NTM: variants seen among roughly 807,000 people sequenced by gnomAD.
NTM encodes the protein IgLON family member 2.
NTM carries 13 observed loss-of-function variants against 42.1 expected under a neutral mutation model. That is an observed-to-expected ratio of 0.31 (90% CI 0.20 to 0.49). The LOEUF is 0.49. NTM is among the 20% of genes least tolerant of loss of function. The probability of loss-of-function intolerance (pLI) is 0.99; values close to 1 mark genes in which losing one functional copy is unlikely to be tolerated. For missense variants in NTM, 373 were observed against 452.8 expected (o/e 0.82, Z 1.60); for synonymous variants, 187 against 179.2 (o/e 1.04, Z -0.35).
intron 1 of NTM, among the ~76,000 whole-genome samples, chr11:131,784,503 A>G (rs1057211239): frequency 6.6e-6 from 1 of 152,232 alleles, no homozygotes; most frequent in African/African-American, 2.4e-5. Flanking sequence ...GATCTGAAAA[A>G]GAACACATAT....
chr11:131,402,533 A>T (rs1457697906), intron 1 of NTM, among the ~76,000 whole-genome samples: 2 of 152,170 alleles, frequency 1.3e-5, no homozygotes, highest in African/African-American at 4.8e-5. Context: ...GATGGACCAC[A>T]TTAATGGGGC....
chr11:131,616,217 G>A (rs911022902), intron 1 of NTM, among the ~76,000 whole-genome samples: 16 of 152,166 alleles, frequency 1.1e-4, no homozygotes, highest in South Asian at 2.1e-4. Flanking sequence ...CGCAGCACTG[G>A]GGAGACTGCA....
chr11:131,835,300 GCTGGGATCA>G (rs2043348752), intron 1 of NTM, among the ~76,000 whole-genome samples: 1 of 152,110 alleles, frequency 6.6e-6, no homozygotes, highest in South Asian at 2.1e-4. Context: ...CGAGAATGTT[GCTGGGATCA>G]CTTGTAATCT....
intron 1 of NTM, among the ~76,000 whole-genome samples, chr11:131,664,028 AG>A (rs1181423781): frequency 6.6e-6 from 1 of 152,206 alleles, no homozygotes; most frequent in African/African-American, 2.4e-5. Context: ...AGGAAAGGAA[AG>A]TCTTTGGACC....
At position 132,290,836 on chromosome 11, in the gene NTM, C is replaced by T. The variant is rs77572314; in HGVS notation, c.527-16853C>T. Among the ~76,000 whole-genome samples, 55 of 152,244 alleles carry T rather than the reference C, an allele frequency of 3.6e-4. 1 individual carries two copies. In the East Asian group the frequency reaches 7.0e-3, roughly 19 times the overall value. On this transcript the variant is annotated intron_variant, in intron 4 of 8. Transcript: ENST00000683400. ...CAGAGGTTACAGAAGGATTCTTATA[C>T]GAGCTGAACTTAAGCTGTAACCTGA...
intron 1 of NTM, among the ~76,000 whole-genome samples, chr11:131,377,858 A>C (rs2135501093): frequency 6.6e-6 from 1 of 152,278 alleles, no homozygotes; most frequent in South Asian, 2.1e-4. Context: ...GGTGGTGATC[A>C]TGCCTAGGTT....
In NTM at chr11:132,002,367, G is replaced by A. The variant is rs2069492342; in HGVS notation, c.167+90719G>A. On this transcript the variant is annotated intron_variant, in intron 2 of 8. Transcript: ENST00000683400. The surrounding 1 kb of genome is among the most constrained non-coding windows in gnomAD (Gnocchi z 4.5). ...ATATTTTAATAAGAATTCAGAAATG[G>A]GAGTTTTCTAATAAGCAACTGAGTT... 6.6e-6 allele frequency among the ~76,000 whole-genome samples: 1 copy of A among 152,136 alleles called. No homozygotes were observed. Among genetic ancestry groups the A allele is most frequent in the African/African-American group, 2.4e-5 (1 of 41,422 alleles).
At chr11:131,455,024 G>A (rs1168369319) in intron 1 of NTM, among the ~76,000 whole-genome samples, 2 of 152,182 alleles carry the variant, frequency 1.3e-5, no homozygotes, top group African/African-American at 4.8e-5. Flanking sequence ...AGGACACATT[G>A]TTGCAGATAC....
intron 1 of NTM, among the ~76,000 whole-genome samples, chr11:131,546,081 C>T (rs997885931): frequency 6.6e-6 from 1 of 152,110 alleles, no homozygotes; most frequent in Admixed American, 6.6e-5. Context: ...GAAAGAAACA[C>T]TAATAATTTA....
chr11:131,781,548 A>C (rs1257890568), intron 1 of NTM, among the ~76,000 whole-genome samples: 1 of 152,208 alleles, frequency 6.6e-6, no homozygotes, highest in Non-Finnish European at 1.5e-5. Context: ...AGCAAATACT[A>C]AGTAATATAC....
chr11:132,226,407 T>TG (rs2086292724), intron 4 of NTM, among the ~76,000 whole-genome samples: 1 of 152,334 alleles, frequency 6.6e-6, no homozygotes, highest in Non-Finnish European at 1.5e-5. Context: ...CCATTCTGAC[T>TG]GGTGTGAGGT....
rs141768002 is a variant in NTM at position 131,782,369 on chromosome 11, CA to C, written c.83-129186del. 8.4e-3 allele frequency among the ~76,000 whole-genome samples: 1,210 copies of C among 143,538 alleles called. 6 individuals are homozygous for C. The highest frequency in any genetic ancestry group is 0.013 in the Non-Finnish European group (872 of 65,632). The allele number at this position is 143,538 out of a possible 152,430, so 94.2% of individuals were successfully genotyped here. On this transcript the variant is annotated intron_variant, in intron 1 of 8. Coordinates refer to ENST00000683400, the MANE Select transcript of NTM (RefSeq NM_001352005.2). ...ATAGAATACATATATAATGTTTCCA[CA>C]AAAAAAAACAACTCTAGGTCTGCAT...
chr11:131,546,194 C>T (rs551203248), intron 1 of NTM, among the ~76,000 whole-genome samples: 1 of 152,288 alleles, frequency 6.6e-6, no homozygotes, highest in African/African-American at 2.4e-5. Context: ...AGTTTTGTGA[C>T]TGAAGCTTTG....
chr11:131,401,806 A>ATATATATATATATATATATGTG (rs1945174930), intron 1 of NTM, among the ~76,000 whole-genome samples: 1 of 5,822 alleles, frequency 1.7e-4, no homozygotes, highest in African/African-American at 8.5e-4. Context: ...GGAAATATAT[A>ATATATATATATATATATATGTG]TATATATATA....
intron 1 of NTM, chr11:131,573,407 T>C (rs318955): frequency 0.54 from 82,293 of 152,036 alleles, 22,535 homozygotes; most frequent in South Asian, 0.68. Flanking sequence ...AACTAGCCTA[T>C]GTGATATTTT....
intron 1 of NTM, among the ~76,000 whole-genome samples, chr11:131,645,863 G>T (rs114384396): frequency 0.019 from 2,928 of 152,302 alleles, 98 homozygotes; most frequent in African/African-American, 0.066. Context: ...GTTGAATCAA[G>T]ATCCTAACAT....
At chr11:131,693,861 G>T (rs2075100482) in intron 1 of NTM, among the ~76,000 whole-genome samples, 1 of 152,202 alleles carries the variant, frequency 6.6e-6, no homozygotes, top group South Asian at 2.1e-4. Flanking sequence ...AGGAGAAGCT[G>T]CTTTTACAGC....
chr11:132,335,713 A>G lies in NTM; in HGVS notation c.*567A>G, dbSNP rs955125560. ...AACAACGGTCCCACAAACAAGTCAC[A>G]AAAGATACCGTTAAACTTTTTTTTT... On this transcript the variant is annotated 3_prime_UTR_variant, in exon 9 of 9. Coordinates refer to ENST00000683400, the MANE Select transcript of NTM (RefSeq NM_001352005.2). 6.6e-6 allele frequency: 1 copy of G among 151,824 alleles called. No individual in the cohort carries two copies. The highest frequency in any genetic ancestry group is 2.4e-5 in the African/African-American group (1 of 40,898). 9.4% of individuals were successfully genotyped at this position (151,824 alleles called of 1,614,324 possible). A position where few individuals can be genotyped will look rare whatever the true frequency, so the allele number is the denominator to read the frequency against.
intron 1 of NTM, among the ~76,000 whole-genome samples, chr11:131,503,556 T>G (rs937328956): frequency 6.6e-6 from 1 of 151,756 alleles, no homozygotes; most frequent in Non-Finnish European, 1.5e-5. Context: ...AAGGTCTTAC[T>G]CTGTTGCTCA....
Sources: gnomAD v4.1 joint callset for allele counts (sites outside exome capture counted in the v4.1 genomes callset) on GRCh38, gnomAD v4.1.1 for gene constraint, Gnocchi (gnomAD v3.1) non-coding constraint, MANE v1.5 for transcripts, NCBI Gene and HGNC (gene_info 2026-07-23, HGNC 2026-07-21) for gene names.